SHQ1: variants seen among roughly 807,000 people sequenced by gnomAD.
SHQ1 encodes protein SHQ1 homolog.
SHQ1 carries 49 observed loss-of-function variants against 53.8 expected under a neutral mutation model. That is an observed-to-expected ratio of 0.91 (90% CI 0.72 to 1.16). The LOEUF is 1.16. SHQ1 is among the 50% of genes most tolerant of loss of function. The pLI is 0.00. For missense variants in SHQ1, 738 were observed against 683.1 expected (o/e 1.08, Z -0.90); for synonymous variants, 243 against 251.0 (o/e 0.97, Z 0.30).
At chr3:72,737,675 C>T in the SHQ1 span, among the ~76,000 whole-genome samples, 405 of 152,240 alleles carry the variant, frequency 2.7e-3, 2 homozygotes, top group African/African-American at 9.4e-3. Context: ...AATGTAAGTG[C>T]TATGGAAATA....
At chr3:72,760,872 ACT>A (rs1705596222) in intron 10 of SHQ1, among the ~76,000 whole-genome samples, 1 of 152,172 alleles carries the variant, frequency 6.6e-6, no homozygotes, top group African/African-American at 2.4e-5. Context: ...GCAGAAAATA[ACT>A]CTGTCTTCTT....
chr3:72,829,221 T>C (rs1272105611), intron 5 of SHQ1, among the ~76,000 whole-genome samples: 3 of 151,964 alleles, frequency 2.0e-5, no homozygotes, highest in Admixed American at 2.0e-4. Flanking sequence ...AAAGGATGAG[T>C]TCAATTTTGG....
chr3:72,848,148 C>T, intron 1 of SHQ1, 50 bp downstream of exon 1: 1 of 1,608,440 alleles, frequency 6.2e-7, no homozygotes, highest in Non-Finnish European at 8.5e-7. Context: ...CCCTCTAAAG[C>T]AGCTATCTAA....
At chr3:72,746,202 A>G (rs898996082), downstream of SHQ1, among the ~76,000 whole-genome samples, 2 of 152,144 alleles carry the variant, frequency 1.3e-5, no homozygotes, top group Admixed American at 6.5e-5. Context: ...AGCCAGCTAC[A>G]GTGGAGCTGG....
chr3:72,729,347 A>C, the SHQ1 span, among the ~76,000 whole-genome samples: 3 of 152,286 alleles, frequency 2.0e-5, no homozygotes, highest in East Asian at 5.8e-4. Flanking sequence ...AGAAATCGCC[A>C]ATGTGACCTG....
chr3:72,731,863 A>C, the SHQ1 span, among the ~76,000 whole-genome samples: 1 of 151,290 alleles, frequency 6.6e-6, no homozygotes, highest in Non-Finnish European at 1.5e-5. Context: ...ATCCACTACC[A>C]ATGTGCCAGT....
chr3:72,755,892 G>A (rs942053361), intron 10 of SHQ1, among the ~76,000 whole-genome samples: 3 of 152,122 alleles, frequency 2.0e-5, no homozygotes, highest in African/African-American at 7.2e-5. Flanking sequence ...ACAAACATCA[G>A]GTACTATTTA....
chr3:72,833,977 T>C (rs1282443816), intron 4 of SHQ1, among the ~76,000 whole-genome samples: 1 of 152,208 alleles, frequency 6.6e-6, no homozygotes, highest in Non-Finnish European at 1.5e-5. Context: ...TGTTAAGACA[T>C]TTATAAACAG....
chr3:72,827,424 G>A (rs1707693297), intron 5 of SHQ1, among the ~76,000 whole-genome samples: 2 of 151,994 alleles, frequency 1.3e-5, no homozygotes, highest in Non-Finnish European at 2.9e-5. Flanking sequence ...GACACCAAAG[G>A]CAAGAGTAAA....
chr3:72,747,336 G>A (rs1233634140), downstream of SHQ1, among the ~76,000 whole-genome samples: 5 of 152,150 alleles, frequency 3.3e-5, no homozygotes, highest in Non-Finnish European at 5.9e-5. Context: ...TTCCAATCCC[G>A]ATGGATTAAC....
chr3:72,759,039 C>T (rs1430217360), intron 10 of SHQ1, among the ~76,000 whole-genome samples: 1 of 152,166 alleles, frequency 6.6e-6, no homozygotes, highest in Non-Finnish European at 1.5e-5. Flanking sequence ...GGGTGTTCTC[C>T]CTATGTGTTT....
intron 6 of SHQ1, among the ~76,000 whole-genome samples, chr3:72,820,862 T>C (rs1015768316): frequency 6.6e-6 from 1 of 152,102 alleles, no homozygotes; most frequent in Non-Finnish European, 1.5e-5. Flanking sequence ...CCTCCCAACA[T>C]CAAAAACCCC....
chr3:72,818,063 C>T (rs1178141608), intron 6 of SHQ1, among the ~76,000 whole-genome samples: 1 of 151,738 alleles, frequency 6.6e-6, no homozygotes, highest in Non-Finnish European at 1.5e-5. Flanking sequence ...ATATACCATT[C>T]CATAGTTTTC....
chr3:72,827,514 G>A (rs1707696352), intron 5 of SHQ1, among the ~76,000 whole-genome samples: 2 of 151,896 alleles, frequency 1.3e-5, no homozygotes, highest in Admixed American at 6.6e-5. Context: ...TGGTAACATG[G>A]TATTTCTACC....
intron 5 of SHQ1, among the ~76,000 whole-genome samples, chr3:72,831,424 C>T (rs1250195314): frequency 6.6e-6 from 1 of 152,168 alleles, no homozygotes; most frequent in African/African-American, 2.4e-5. Flanking sequence ...TTGGCCAAGC[C>T]ACTTAGTAGT....
chr3:72,747,228 C>T (rs990604913), downstream of SHQ1, among the ~76,000 whole-genome samples: 5 of 152,136 alleles, frequency 3.3e-5, no homozygotes, highest in South Asian at 2.1e-4. Flanking sequence ...CTTGAGAATA[C>T]GGACACTGAT....
intron 10 of SHQ1, among the ~76,000 whole-genome samples, chr3:72,791,512 T>A (rs878856202): frequency 2.0e-5 from 3 of 152,022 alleles, no homozygotes; most frequent in African/African-American, 7.2e-5. Context: ...TGCTCCCCCA[T>A]GAAGAGAAAT....
intron 10 of SHQ1, among the ~76,000 whole-genome samples, chr3:72,772,169 A>C (rs1307202843): frequency 6.6e-6 from 1 of 152,158 alleles, no homozygotes; most frequent in Non-Finnish European, 1.5e-5. Context: ...TCGTCAGAAA[A>C]AGCTTAAAGC....
chr3:72,774,932 T>C (rs759831026), intron 10 of SHQ1, among the ~76,000 whole-genome samples: 5 of 152,020 alleles, frequency 3.3e-5, no homozygotes, highest in Non-Finnish European at 7.4e-5. Context: ...CTGACCATCA[T>C]GGTGAAACCC....
Sources: gnomAD v4.1 joint callset for allele counts (sites outside exome capture counted in the v4.1 genomes callset) on GRCh38, gnomAD v4.1.1 for gene constraint, MANE v1.5 for transcripts, NCBI Gene and HGNC (gene_info 2026-07-23, HGNC 2026-07-21) for gene names.